Variants in MRPL44 observed in about 807,000 individuals in gnomAD.
MRPL44 encodes the protein large ribosomal subunit protein mL44.
A neutral mutation model predicts 25.9 loss-of-function variants in MRPL44; 21 were observed. That is an observed-to-expected ratio of 0.81 (90% confidence interval 0.58 to 1.17). MRPL44 has a LOEUF of 1.17. MRPL44 is among the 50% of genes most tolerant of loss of function. The pLI is 0.00. For synonymous variants in MRPL44, 169 were observed against 151.0 expected, an observed-to-expected ratio of 1.12 and a Z score of -0.87; for missense variants, 410 against 398.9, an observed-to-expected ratio of 1.03 and a Z score of -0.24.
chr2:223,959,490 C>T (rs1689622015), intron 1 of MRPL44, 44 bp from the exon 2 acceptor site: 1 of 1,398,292 alleles, frequency 7.2e-7, no homozygotes, highest in East Asian at 2.3e-5. Context: ...ATCACAGTAA[C>T]AGGTTGTTCT....
chr2:223,963,629 G>A, intron 2 of MRPL44, 127 bp from the exon 3 acceptor site: 1 of 551,240 alleles, frequency 1.8e-6, no homozygotes, highest in Non-Finnish European at 2.8e-6. Flanking sequence ...TTCCCATTAA[G>A]TTTTAAATTT....
intron 1 of MRPL44, 125 bp downstream of exon 1, chr2:223,957,776 A>G (rs1257992297): frequency 1.8e-6 from 2 of 1,141,388 alleles, no homozygotes; most frequent in East Asian, 2.6e-5. Flanking sequence ...CGATGGAGAC[A>G]CCCGTGAGCT....
the MRPL44 span, among the ~76,000 whole-genome samples, chr2:223,951,237 T>C: frequency 6.6e-6 from 1 of 152,230 alleles, no homozygotes; most frequent in African/African-American, 2.4e-5. Flanking sequence ...CAAGTGGTGA[T>C]AGAAGAGCCT....
In MRPL44 at chr2:223,963,851, G is replaced by C. The variant is rs201097678; in HGVS notation, c.744G>C (p.Arg248Ser). ...MGLLVEELKKRNVSAPESRLT... is the reference protein window; with the variant it reads ...MGLLVEELKKSNVSAPESRLT... ...TATTGGTAGAAGAACTGAAGAAAAGGAATGTTTCAGCTCCTGAATCAAGAC... is the reference window on the plus strand; with the variant it reads ...TATTGGTAGAAGAACTGAAGAAAAGCAATGTTTCAGCTCCTGAATCAAGAC... Residue 248 changes from arginine (R) to serine (S), a missense_variant, in exon 3 of 4, where the codon AGG becomes AGC. Coordinates refer to ENST00000258383, the MANE Select transcript of MRPL44 (RefSeq NM_022915.5). The C allele has an allele frequency of 1.2e-6, 2 of 1,613,758 alleles. No individual in the cohort carries two copies. Among genetic ancestry groups the C allele is most frequent in the Non-Finnish European group, 1.7e-6 (2 of 1,179,864 alleles).
the MRPL44 span, among the ~76,000 whole-genome samples, chr2:223,952,387 C>T: frequency 6.6e-6 from 1 of 152,224 alleles, no homozygotes; most frequent in African/African-American, 2.4e-5. Flanking sequence ...CTCTTGTGCT[C>T]TGGTACCATC....
the MRPL44 span, among the ~76,000 whole-genome samples, chr2:223,952,088 T>C: frequency 2.6e-5 from 4 of 152,320 alleles, no homozygotes; most frequent in Admixed American, 6.5e-5. Context: ...TCAGATCCAC[T>C]TTATGTGTAC....
At chr2:223,956,319 C>G (rs1689563003), upstream of MRPL44, among the ~76,000 whole-genome samples, 1 of 152,166 alleles carries the variant, frequency 6.6e-6, no homozygotes, top group African/African-American at 2.4e-5. Context: ...TGAGATGAAC[C>G]ATTTAGATTC....
intron 2 of MRPL44, among the ~76,000 whole-genome samples, chr2:223,961,252 A>G (rs1210652831): frequency 2.0e-5 from 3 of 152,256 alleles, no homozygotes; most frequent in Non-Finnish European, 4.4e-5. Flanking sequence ...AAAAGGTTTT[A>G]CAGAAGTGAT....
chr2:223,951,420 T>G, the MRPL44 span, among the ~76,000 whole-genome samples: 12 of 152,166 alleles, frequency 7.9e-5, no homozygotes, highest in East Asian at 1.3e-3. Flanking sequence ...TTAATGGTGA[T>G]GTAGGAAGCA....
At chr2:223,957,162 A>G (rs931549513), upstream of MRPL44, among the ~76,000 whole-genome samples, 4 of 152,274 alleles carry the variant, frequency 2.6e-5, no homozygotes, top group Non-Finnish European at 5.9e-5. Context: ...CGAGAGAGGA[A>G]GGAACAAGAG....
At chr2:223,952,768 A>C (rs1009978962), upstream of MRPL44, among the ~76,000 whole-genome samples, 1 of 152,156 alleles carries the variant, frequency 6.6e-6, no homozygotes, top group African/African-American at 2.4e-5. Flanking sequence ...AGCAGACACC[A>C]GCTGTTTCTG....
At chr2:223,951,668 G>A in the MRPL44 span, among the ~76,000 whole-genome samples, 14 of 151,646 alleles carry the variant, frequency 9.2e-5, no homozygotes, top group Admixed American at 7.9e-4. Flanking sequence ...TAGTAGAGAT[G>A]GGTTTTCACC....
intron 2 of MRPL44, among the ~76,000 whole-genome samples, chr2:223,960,662 G>A (rs184221605): frequency 6.6e-6 from 1 of 152,332 alleles, no homozygotes; most frequent in East Asian, 1.9e-4. Context: ...GTTGGAATCT[G>A]TTCATTTAGT....
rs1574797269 is a variant in MRPL44, at chr2:223,966,458, A to G, written c.828-405A>G. The stretch of plus-strand genomic sequence containing the variant: ...TTACTAGTTTCAGGTTTTTGTAAGG[A>G]GATATTTATTTTTCCCAAGTTATAT... On this transcript the variant is annotated intron_variant, in intron 3 of 3. Coordinates refer to ENST00000258383, the MANE Select transcript of MRPL44 (RefSeq NM_022915.5). 2.0e-5 allele frequency among the ~76,000 whole-genome samples: 3 copies of G among 152,232 alleles called. No individual in the cohort carries two copies. The South Asian group carries it at 6.2e-4, about 32-fold the overall frequency.
At chr2:223,957,448 G>T (rs747853187), upstream of MRPL44, 2 of 1,613,988 alleles carry the variant, frequency 1.2e-6, no homozygotes, top group Non-Finnish European at 1.7e-6. Flanking sequence ...CTTTCGTTCC[G>T]TCTTCCATCG....
upstream of MRPL44, among the ~76,000 whole-genome samples, chr2:223,954,333 T>C (rs1253999343): frequency 6.6e-6 from 1 of 152,252 alleles, no homozygotes; most frequent in African/African-American, 2.4e-5. Context: ...CCAATTGATT[T>C]GACCCTATGT....
chr2:223,966,973 C>G lies in MRPL44; in HGVS notation c.938C>G (p.Pro313Arg). ...TATGGATTCACAGAAAATAGACGGC[C>G]GTGGAACTATTCCAAGCCCAAAGAA... is the stretch of plus-strand genomic sequence containing the variant. ...KLYGFTENRR[P>R]WNYSKPKETL... The change falls in exon 4 of 4, where the codon CCG (proline) becomes CGG (arginine). Residue 313 changes from proline (P) to arginine (R), a missense_variant. Physicochemically the swap from Pro to Arg is moderately radical, Grantham distance 103. Coordinates refer to ENST00000258383, the MANE Select transcript of MRPL44 (RefSeq NM_022915.5). 6.2e-7 allele frequency: 1 copy of G among 1,613,936 alleles called. No homozygotes were observed. The highest frequency in any genetic ancestry group is 2.2e-5 in the East Asian group (1 of 44,884).
Position 223,966,946 on chromosome 2 carries a change from T to G in MRPL44, c.911T>G (p.Leu304Arg). 6.2e-7 allele frequency: 1 copy of G among 1,614,144 alleles called. No individual in the cohort carries two copies. Among genetic ancestry groups the G allele is most frequent in the South Asian group, 1.1e-5 (1 of 91,076 alleles). Residue 304 changes from leucine (L) to arginine (R), a missense_variant, in exon 4 of 4, where the codon CTT (leucine) becomes CGT (arginine). Coordinates refer to ENST00000258383, the MANE Select transcript of MRPL44 (RefSeq NM_022915.5). ...EEAARVALRK[L>R]YGFTENRRPW... ...GCTGCTCGAGTGGCCCTTAGAAAACTTTATGGATTCACAGAAAATAGACGG... is the reference window on the plus strand; with the variant it reads ...GCTGCTCGAGTGGCCCTTAGAAAACGTTATGGATTCACAGAAAATAGACGG...
rs1689750326 is a variant in MRPL44 at position 223,966,931 on chromosome 2, T to TG, written c.898dup (p.Ala300GlyfsTer3). Reference sequence around the variant, plus strand: ...GTTGCAGAAGAAGAGGCTGCTCGAGTGGCCCTTAGAAAACTTTATGGATTC... The same window carrying TG: ...GTTGCAGAAGAAGAGGCTGCTCGAGTGGGCCCTTAGAAAACTTTATGGATTC... On this transcript the variant is annotated frameshift_variant, in exon 4 of 4. Coordinates refer to ENST00000258383, the MANE Select transcript of MRPL44 (RefSeq NM_022915.5). LOFTEE classifies it low-confidence loss of function (END_TRUNC). 6.8e-6 allele frequency: 11 copies of TG among 1,613,970 alleles called. No individual in the cohort carries two copies. The highest frequency in any genetic ancestry group is 9.3e-6 in the Non-Finnish European group (11 of 1,179,998).
Sources: allele counts gnomAD v4.1 joint callset (sites outside exome capture counted in the v4.1 genomes callset), GRCh38; gene constraint gnomAD v4.1.1; transcripts MANE v1.5; gene names NCBI Gene and HGNC (gene_info 2026-07-23, HGNC 2026-07-21).